NEK1: variants seen among roughly 807,000 people sequenced by gnomAD.
NEK1 encodes NIMA related kinase 1.
Under a neutral mutation model 182.1 loss-of-function variants are expected in NEK1, and 137 were observed. That is an observed-to-expected ratio of 0.75 (90% CI 0.65 to 0.87). The LOEUF (loss-of-function observed/expected upper bound fraction) is 0.87, where lower values mean the gene tolerates loss of function less well. Ranked by LOEUF, NEK1 falls within the 40% of genes least tolerant of loss-of-function variation. The pLI is 0.00. For synonymous variants in NEK1, 513 were observed against 492.2 expected (o/e 1.04, Z -0.56); for missense variants, 1,391 against 1,494.4 (o/e 0.93, Z 1.14).
intron 19 of NEK1, among the ~76,000 whole-genome samples, chr4:169,511,699 C>CATGT (rs1321464719): frequency 6.6e-6 from 1 of 152,064 alleles, no homozygotes; most frequent in Non-Finnish European, 1.5e-5. Flanking sequence ...TTTTGTCACT[C>CATGT]ATGTCATCTT....
At chr4:169,472,301 G>A (rs920024765) in intron 26 of NEK1, among the ~76,000 whole-genome samples, 2 of 152,208 alleles carry the variant, frequency 1.3e-5, no homozygotes, top group Non-Finnish European at 2.9e-5. Flanking sequence ...TGTGGGTTGT[G>A]AAAACCATCG....
At chr4:169,432,743 GACT>G (rs1737663805) in intron 29 of NEK1, among the ~76,000 whole-genome samples, 1 of 152,214 alleles carries the variant, frequency 6.6e-6, no homozygotes, top group African/African-American at 2.4e-5. Context: ...ATGTAAGCAA[GACT>G]TTTTACTGCA....
At chr4:169,405,468 A>G (rs1166765809) in intron 32 of NEK1, among the ~76,000 whole-genome samples, 3 of 152,206 alleles carry the variant, frequency 2.0e-5, no homozygotes, top group African/African-American at 7.2e-5. Flanking sequence ...TGCTTAGGCT[A>G]CACTAAATTT....
chr4:169,575,684 T>C (rs1053862668), intron 12 of NEK1, among the ~76,000 whole-genome samples: 1 of 152,164 alleles, frequency 6.6e-6, no homozygotes, highest in Non-Finnish European at 1.5e-5. Flanking sequence ...CTCCAGGCAG[T>C]TTCGCAGGGA....
intron 31 of NEK1, among the ~76,000 whole-genome samples, chr4:169,409,117 C>T (rs1733166353): frequency 6.6e-6 from 1 of 152,118 alleles, no homozygotes; most frequent in African/African-American, 2.4e-5. Context: ...CTTTTCACCA[C>T]ATCCAAGCCA....
At position 169,602,180 on chromosome 4, in the gene NEK1, G is replaced by A. The variant is rs1238042611; in HGVS notation, c.118-76C>T. On this transcript the variant is annotated intron_variant, in intron 3 of 35. Transcript: ENST00000507142. ...CTAAAAGTCCATCAATAGGTGAGTGGTTAAAACATAATAGTATTAATACAG... is the reference window on the plus strand; with the variant it reads ...CTAAAAGTCCATCAATAGGTGAGTGATTAAAACATAATAGTATTAATACAG... The A allele has an allele frequency of 4.0e-6, 4 of 992,066 alleles. No individual in the cohort carries two copies. The East Asian group carries it at 9.5e-5, about 24-fold the overall frequency. 61.5% of individuals were successfully genotyped at this position (992,066 alleles called of 1,614,324 possible).
rs188602578 is a variant in NEK1 at position 169,579,650 on chromosome 4, G to A, written c.868+1192C>T. 4.0e-3 allele frequency among the ~76,000 whole-genome samples: 610 copies of A among 152,170 alleles called. 5 individuals carry two copies. Among genetic ancestry groups the A allele is most frequent in the South Asian group, 0.03 (147 of 4,824 alleles). On this transcript the variant is annotated intron_variant, in intron 11 of 35. Coordinates refer to ENST00000507142, the MANE Select transcript of NEK1 (RefSeq NM_001199397.3). Reference sequence around the variant, plus strand: ...CTAAAATACAAAAAATTAGCTGGGCGTGGTGGTGGGCACCTGTATTCCCAG... The same window carrying A: ...CTAAAATACAAAAAATTAGCTGGGCATGGTGGTGGGCACCTGTATTCCCAG...
At chr4:169,421,762 T>C (rs549290365) in intron 31 of NEK1, among the ~76,000 whole-genome samples, 1 of 152,330 alleles carries the variant, frequency 6.6e-6, no homozygotes, top group East Asian at 1.9e-4. Context: ...CAGTCTCAGG[T>C]ACTTCTTGAA....
intron 23 of NEK1, among the ~76,000 whole-genome samples, chr4:169,503,244 A>G (rs1752694358): frequency 6.6e-6 from 1 of 152,206 alleles, no homozygotes; most frequent in South Asian, 2.1e-4. Context: ...AAACAAATGG[A>G]AGTGCATTTA....
At chr4:169,396,335 C>G (rs967471259) in intron 35 of NEK1, among the ~76,000 whole-genome samples, 1 of 117,606 alleles carries the variant, frequency 8.5e-6, no homozygotes, top group Non-Finnish European at 1.6e-5. Context: ...CACTGTACTC[C>G]AGCCTGGGCG....
chr4:169,399,133 T>C (rs562725386), intron 35 of NEK1, among the ~76,000 whole-genome samples: 2 of 151,996 alleles, frequency 1.3e-5, no homozygotes, highest in Admixed American at 1.3e-4. Context: ...TAGGCCAAGC[T>C]ACTCAGGAGG....
At chr4:169,426,593 T>C (rs562030502) in intron 29 of NEK1, among the ~76,000 whole-genome samples, 23 of 152,268 alleles carry the variant, frequency 1.5e-4, no homozygotes, top group African/African-American at 5.1e-4. Flanking sequence ...GCCCAGCAAT[T>C]AGTTGGGAAA....
Position 169,562,272 on chromosome 4 carries a change from TTAAGA to T in NEK1, c.1021-81_1021-77del, listed in dbSNP as rs201948240. 2.0e-3 allele frequency: 2,072 copies of T among 1,015,086 alleles called. 13 individuals carry two copies. The African/African-American group carries it at 0.021, about 10-fold the overall frequency. 62.9% of individuals were successfully genotyped at this position (1,015,086 alleles called of 1,614,324 possible). On this transcript the variant is annotated intron_variant, in intron 12 of 35. Transcript: ENST00000507142. ...TTGAAAATCCCAAATTTACAGAAATTTAAGATAAGAAAAAGGTAAAGTCAATACTT... is the reference window on the plus strand; with the variant it reads ...TTGAAAATCCCAAATTTACAGAAATTTAAGAAAAAGGTAAAGTCAATACTT...
intron 31 of NEK1, among the ~76,000 whole-genome samples, chr4:169,414,232 A>G (rs1238645679): frequency 6.6e-6 from 1 of 152,140 alleles, no homozygotes; most frequent in African/African-American, 2.4e-5. Context: ...TCTAGAATCT[A>G]TTTGCTTAAA....
At chr4:169,435,158 T>C (rs1738164306) in intron 28 of NEK1, among the ~76,000 whole-genome samples, 1 of 152,236 alleles carries the variant, frequency 6.6e-6, no homozygotes, top group African/African-American at 2.4e-5. Flanking sequence ...GGATCCAATG[T>C]CAGGGTGCCA....
At chr4:169,604,375 A>C (rs1317455135) in intron 2 of NEK1, among the ~76,000 whole-genome samples, 2 of 152,224 alleles carry the variant, frequency 1.3e-5, no homozygotes, top group Admixed American at 6.5e-5. Flanking sequence ...AAGAGTCATA[A>C]GAGCAATAAT....
rs1329010495 is a variant in NEK1 at position 169,512,292 on chromosome 4, A to AT, written c.1666-3441dup. Among the ~76,000 whole-genome samples the AT allele has an allele frequency of 2.0e-5, 3 of 152,050 alleles. No individual in the cohort carries two copies. The East Asian group carries it at 5.8e-4, about 29-fold the overall frequency. On this transcript the variant is annotated intron_variant, in intron 19 of 35. Transcript: ENST00000507142. Reference sequence around the variant, plus strand: ...TTCATCAGCATTTGGTTTTATCACTATTTTTTTATTATAGCCATTTTGATA... The same window carrying AT: ...TTCATCAGCATTTGGTTTTATCACTATTTTTTTTATTATAGCCATTTTGATA...
At chr4:169,405,429 C>T (rs1451011851) in intron 32 of NEK1, among the ~76,000 whole-genome samples, 1 of 152,166 alleles carries the variant, frequency 6.6e-6, no homozygotes, top group African/African-American at 2.4e-5. Context: ...CATTACTATA[C>T]ACTACTATAG....
chr4:169,421,341 A>T (rs80161604), intron 31 of NEK1, among the ~76,000 whole-genome samples: 10,803 of 152,230 alleles, frequency 0.071, 1,257 homozygotes, highest in African/African-American at 0.24. Context: ...ATTTGCCCCA[A>T]AACAGAACTT....
Sources: allele counts gnomAD v4.1 joint callset (sites outside exome capture counted in the v4.1 genomes callset), GRCh38; gene constraint gnomAD v4.1.1; transcripts MANE v1.5; gene names NCBI Gene and HGNC (gene_info 2026-07-23, HGNC 2026-07-21).